Variants in EEF1B2 observed in about 807,000 individuals in gnomAD.
EEF1B2 encodes elongation factor 1-beta.
A neutral mutation model predicts 28.3 loss-of-function variants in EEF1B2; 12 were observed. The ratio of observed to expected loss-of-function variants is 0.42; its 90% confidence interval spans 0.27 to 0.69. The LOEUF (loss-of-function observed/expected upper bound fraction) is 0.69, where lower values mean the gene tolerates loss of function less well. EEF1B2 is among the 30% of genes least tolerant of loss of function. The probability of loss-of-function intolerance (pLI) is 0.22; values close to 1 mark genes in which losing one functional copy is unlikely to be tolerated. For missense variants in EEF1B2, 234 were observed against 272.6 expected, an observed-to-expected ratio of 0.86 and a Z score of 1.00; for synonymous variants, 83 against 99.9, an observed-to-expected ratio of 0.83 and a Z score of 1.01.
intron 1 of EEF1B2, 161 bp from the exon 2 acceptor site, chr2:206,160,427 A>G (rs977253986): frequency 1.1e-5 from 15 of 1,311,866 alleles, no homozygotes; most frequent in African/African-American, 7.4e-5. Context: ...TGACCCAAAC[A>G]TATGGTTTGA....
chr2:206,160,955 T>G, intron 2 of EEF1B2: 1 of 715,794 alleles, frequency 1.4e-6, no homozygotes, highest in Non-Finnish European at 2.5e-6. Flanking sequence ...GACCTTGACC[T>G]GGGGGGCCCA....
At chr2:206,161,768 C>CAAAAA in intron 3 of EEF1B2, 4 of 462,006 alleles carry the variant, frequency 8.7e-6, no homozygotes, top group African/African-American at 2.1e-5. Context: ...GACTCCGTCC[C>CAAAAA]AAAAAAAAAA....
chr2:206,160,706 G>C lies in EEF1B2; in HGVS notation c.199G>C (p.Ala67Pro), dbSNP rs1479382270. ...CATCAAGTCTTACGAAAAGGAAAAGGCCAGGTAAAATCATCTTTGTATAGA... is the reference window on the plus strand; with the variant it reads ...CATCAAGTCTTACGAAAAGGAAAAGCCCAGGTAAAATCATCTTTGTATAGA... Reference protein sequence around the residue: ...NHIKSYEKEKASLPGVKKALG... With the variant: ...NHIKSYEKEKPSLPGVKKALG... Residue 67 changes from alanine (A) to proline (P), a missense_variant, in exon 2 of 6, where the codon GCC becomes CCC. By Grantham distance (27) the Ala-to-Pro change is conservative. Transcript: ENST00000392222. 1 of 1,614,100 alleles carries C rather than the reference G, an allele frequency of 6.2e-7. No homozygotes were observed. The highest frequency in any genetic ancestry group is 1.7e-5 in the Admixed American group (1 of 60,012).
rs560268820 is a variant in EEF1B2, at chr2:206,160,789, C to A, written c.203+79C>A. ...AGGATGTTCACATGACAAAACTGGACCCAGGCTACTTTAGTTTTGTTGGGA... is the reference window on the plus strand; with the variant it reads ...AGGATGTTCACATGACAAAACTGGAACCAGGCTACTTTAGTTTTGTTGGGA... On this transcript the variant is annotated intron_variant, in intron 2 of 5. Transcript: ENST00000392222. 1.6e-5 allele frequency: 26 copies of A among 1,606,922 alleles called. No individual in the cohort carries two copies. In the South Asian group the frequency reaches 2.9e-4, roughly 18 times the overall value.
At chr2:206,162,459 T>G (rs1687961707) in intron 4 of EEF1B2, 30 bp from the exon 5 acceptor site, 2 of 1,610,138 alleles carry the variant, frequency 1.2e-6, no homozygotes, top group South Asian at 2.2e-5. Flanking sequence ...TACAATTCAT[T>G]ATTTGAATAA....
chr2:206,160,151 A>G (rs1457850153), intron 1 of EEF1B2, 92 bp downstream of exon 1: 8 of 1,388,280 alleles, frequency 5.8e-6, no homozygotes, highest in Admixed American at 2.7e-5. Context: ...CGCGGGAGGG[A>G]GGGAGGCCGG....
chr2:206,160,176 C>T (rs560590122), intron 1 of EEF1B2, 117 bp downstream of exon 1: 14 of 1,310,724 alleles, frequency 1.1e-5, no homozygotes, highest in Middle Eastern at 2.7e-4. Context: ...GGGGCCCTTT[C>T]GAGAGGGAGG....
chr2:206,162,116 G>C lies in EEF1B2; in HGVS notation c.397+12G>C. ...AAAGAAAGCCAAAAGTAGGTCATTT[G>C]TTTTTAACTTCATTTCATGTTAATG... On this transcript the variant is annotated intron_variant, in intron 4 of 5. Coordinates refer to ENST00000392222, the MANE Select transcript of EEF1B2 (RefSeq NM_001959.4). The C allele has an allele frequency of 6.2e-7, 1 of 1,611,740 alleles. No homozygotes were observed. The highest frequency in any genetic ancestry group is 8.5e-7 in the Non-Finnish European group (1 of 1,178,166).
intron 1 of EEF1B2, 82 bp downstream of exon 1, chr2:206,160,141 C>G (rs1320878365): frequency 3.3e-6 from 5 of 1,505,844 alleles, no homozygotes; most frequent in Admixed American, 4.2e-5. Context: ...TGTCGGCTGC[C>G]GCGGGAGGGA....
Position 206,162,853 on chromosome 2 carries a change from C to T in EEF1B2, c.648C>T (p.Ser216=). 1 of 1,597,754 alleles carries T rather than the reference C, an allele frequency of 6.3e-7. No individual in the cohort carries two copies. Among genetic ancestry groups the T allele is most frequent in the Non-Finnish European group, 8.5e-7 (1 of 1,178,772 alleles). Reference sequence around the variant, plus strand: ...CTGCTTTTGAGGACTATGTGCAGTCCATGGATGTGGCTGCTTTCAACAAGA... The same window carrying T: ...CTGCTTTTGAGGACTATGTGCAGTCTATGGATGTGGCTGCTTTCAACAAGA... ...QITAFEDYVQ[S]MDVAAFNKI Residue 216 remains serine (S), a synonymous_variant, in exon 6 of 6, where the codon TCC becomes TCT. Coordinates refer to ENST00000392222, the MANE Select transcript of EEF1B2 (RefSeq NM_001959.4).
At chr2:206,162,434 G>A (rs762085449) in intron 4 of EEF1B2, 55 bp from the exon 5 acceptor site, 7 of 1,608,614 alleles carry the variant, frequency 4.4e-6, no homozygotes, top group South Asian at 1.1e-5. Flanking sequence ...GTGTCTTGGA[G>A]TAGGGTGAAA....
intron 2 of EEF1B2, chr2:206,160,929 C>G (rs1412597648): frequency 5.1e-6 from 4 of 779,882 alleles, no homozygotes; most frequent in Non-Finnish European, 8.7e-6. Flanking sequence ...CCCACACTGC[C>G]CTGCCAATGT....
chr2:206,160,517 C>T (rs763046344), intron 1 of EEF1B2, 71 bp from the exon 2 acceptor site: 8 of 1,609,864 alleles, frequency 5.0e-6, no homozygotes, highest in African/African-American at 1.3e-5. Flanking sequence ...GTGATGCATA[C>T]GGTATTTATT....
chr2:206,161,398 G>A lies in EEF1B2; in HGVS notation c.256G>A (p.Asp86Asn). The change falls in exon 3 of 6, where the codon GAC becomes AAC. Residue 86 changes from aspartate (D) to asparagine (N), a missense_variant. By Grantham distance (23) the Asp-to-Asn change is conservative. Around this residue, in one of 2 missense-constraint regions of EEF1B2, gnomAD observed 178 missense variants for 173.3 expected, o/e 1.03. Transcript: ENST00000392222. ...CAAATATGGTCCTGCCGATGTGGAA[G>A]ACACTACAGGAAGTGGAGCTACAGA... ...LGKYGPADVE[D>N]TTGSGATDSK... 1 of 1,614,156 alleles carries A rather than the reference G, an allele frequency of 6.2e-7. No homozygotes were observed. The highest frequency in any genetic ancestry group is 8.5e-7 in the Non-Finnish European group (1 of 1,180,002).
chr2:206,160,070 G>T lies in EEF1B2; in HGVS notation c.80+11G>T. The T allele has an allele frequency of 6.2e-7, 1 of 1,609,930 alleles. No homozygotes were observed. Among genetic ancestry groups the T allele is most frequent in the Non-Finnish European group, 8.5e-7 (1 of 1,178,254 alleles). ...GAGCTACATCGAGGGGTGAGCGGAC[G>T]GGCTGAGTCGGGGTGGCGGGGAGGT... On this transcript the variant is annotated intron_variant, in intron 1 of 5. Coordinates refer to ENST00000392222, the MANE Select transcript of EEF1B2 (RefSeq NM_001959.4).
At chr2:206,160,776 T>G in intron 2 of EEF1B2, 66 bp downstream of exon 2, 1 of 1,612,176 alleles carries the variant, frequency 6.2e-7, no homozygotes, top group Non-Finnish European at 8.5e-7. Flanking sequence ...GATGTTCACA[T>G]GACAAAACTG....
chr2:206,161,768 CAAAAA>C lies in EEF1B2; in HGVS notation c.331-259_331-255del, dbSNP rs34708881. 1.0e-4 allele frequency: 47 copies of C among 462,882 alleles called. No homozygotes were observed. The East Asian group carries it at 1.3e-3, about 13-fold the overall frequency. The allele number at this position is 462,882 out of a possible 1,614,324, so 28.7% of individuals were successfully genotyped here. A position where few individuals can be genotyped will look rare whatever the true frequency, so the allele number is the denominator to read the frequency against. ...TGGGCGACAGAGCGAGACTCCGTCC[CAAAAA>C]AAAAAAAAAAGAATACATCGATCAG... On this transcript the variant is annotated intron_variant, in intron 3 of 5. Transcript: ENST00000392222.
chr2:206,160,999 T>G (rs1300261293), intron 2 of EEF1B2: 9 of 650,776 alleles, frequency 1.4e-5, no homozygotes. Context: ...ATTCATTCAG[T>G]CCTTGGCCAT....
Position 206,162,600 on chromosome 2 carries a change from T to C in EEF1B2, c.509T>C (p.Leu170Ser). ...GTCAGAAGCATTCAAGCAGACGGCT[T>C]AGTCTGGGGCTCATGTGAGTTTAGG... ...ECVRSIQADGLVWGSSKLVPV... is the reference protein window; with the variant it reads ...ECVRSIQADGSVWGSSKLVPV... The change falls in exon 5 of 6, where the codon TTA becomes TCA. Residue 170 changes from leucine to serine, a missense_variant. Transcript: ENST00000392222. 2 of 1,613,376 alleles carry C rather than the reference T, an allele frequency of 1.2e-6. No homozygotes were observed. Among genetic ancestry groups the C allele is most frequent in the Non-Finnish European group, 1.7e-6 (2 of 1,179,902 alleles).
Sources: gnomAD v4.1 joint callset for allele counts on GRCh38, gnomAD v4.1.1 for gene constraint, gnomAD v4.1.1 regional missense constraint, MANE v1.5 for transcripts, NCBI Gene and HGNC (gene_info 2026-07-23, HGNC 2026-07-21) for gene names.